FOXP1: variants seen among roughly 807,000 people sequenced by gnomAD.
FOXP1 encodes the protein forkhead box P1.
In FOXP1, 15 loss-of-function variants were observed where a neutral mutation model predicts 98.2. The observed-to-expected ratio is 0.15, with a 90% CI of 0.10 to 0.24. The LOEUF is 0.24. Among genes scored for constraint, FOXP1 ranks in the 10% least tolerant of loss-of-function variants. FOXP1 has a pLI of 1.00. For missense variants in FOXP1, 633 were observed against 848.5 expected (o/e 0.75, Z 3.15); for synonymous variants, 371 against 314.5 (o/e 1.18, Z -1.90).
At chr3:71,241,683 CTTAAT>C (rs2067295457) in intron 5 of FOXP1, among the ~76,000 whole-genome samples, 1 of 152,184 alleles carries the variant, frequency 6.6e-6, no homozygotes, top group South Asian at 2.1e-4. Context: ...GAAGAAAGGG[CTTAAT>C]TTACTGGCAT....
intron 11 of FOXP1, among the ~76,000 whole-genome samples, chr3:71,020,317 C>T (rs1411848840): frequency 6.6e-6 from 1 of 152,128 alleles, no homozygotes; most frequent in Non-Finnish European, 1.5e-5. Context: ...GTGTCATTTT[C>T]AATGACAGTT....
intron 6 of FOXP1, among the ~76,000 whole-genome samples, chr3:71,157,138 A>T (rs2060864323): frequency 6.6e-6 from 1 of 152,232 alleles, no homozygotes; most frequent in Non-Finnish European, 1.5e-5. Context: ...GTCTGGATCT[A>T]ACCTTGGCGG....
chr3:71,128,374 C>T (rs1000263997), intron 6 of FOXP1, among the ~76,000 whole-genome samples: 1 of 151,296 alleles, frequency 6.6e-6, no homozygotes, highest in Non-Finnish European at 1.5e-5. Flanking sequence ...CCCTTGGCCT[C>T]TGGAGGAATC....
intron 19 of FOXP1, among the ~76,000 whole-genome samples, chr3:70,967,687 G>GTTTTTTTTTTT (rs67711426): frequency 1.1e-3 from 67 of 61,298 alleles, no homozygotes; most frequent in East Asian, 2.9e-3. Flanking sequence ...ACTATTATTT[G>GTTTTTTTTTTT]TTTTTTTTTT....
At position 71,084,892 on chromosome 3, in the gene FOXP1, G is replaced by C. The variant is rs528575331; in HGVS notation, c.282+27644C>G. Among the ~76,000 whole-genome samples the C allele has an allele frequency of 2.0e-4, 30 of 152,260 alleles. No individual in the cohort carries two copies. In the South Asian group the frequency reaches 5.6e-3, roughly 28 times the overall value. ...TACTAAAAACACAAAAATTACCTGG[G>C]TGTGGTGTTGGGTACCTGTTAATCC... On this transcript the variant is annotated intron_variant, in intron 7 of 20. Transcript: ENST00000649528.
chr3:71,232,877 C>CAAAAAAAAAACA (rs2066420841), intron 5 of FOXP1, among the ~76,000 whole-genome samples: 1 of 31,422 alleles, frequency 3.2e-5, no homozygotes, highest in Non-Finnish European at 5.9e-5. Context: ...AACTCTGTCT[C>CAAAAAAAAAACA]AAAAAAAAAA....
At chr3:71,427,145 T>C (rs1461148789) in intron 3 of FOXP1, among the ~76,000 whole-genome samples, 3 of 152,072 alleles carry the variant, frequency 2.0e-5, no homozygotes, top group African/African-American at 7.2e-5. Context: ...GGTTTATTTA[T>C]TATTTGACTC....
chr3:71,316,698 G>A lies in FOXP1; in HGVS notation c.-72-16818C>T, dbSNP rs574510450. On this transcript the variant is annotated intron_variant, in intron 4 of 20. Transcript: ENST00000649528. ...TTTTGAGATGGAGTCTTGCTCTGTC[G>A]CCAGGCTGGAGCGCAGTGGTGCGAT... Among the ~76,000 whole-genome samples the A allele has an allele frequency of 1.3e-3, 190 of 147,176 alleles. 1 individual carries two copies. Among genetic ancestry groups the A allele is most frequent in the African/African-American group, 4.6e-3 (184 of 39,802 alleles).
rs893172909 is a variant in FOXP1, at chr3:71,522,271, T to C, written c.-297-28716A>G. 2.0e-5 allele frequency among the ~76,000 whole-genome samples: 3 copies of C among 152,164 alleles called. No individual in the cohort carries two copies. The South Asian group carries it at 6.2e-4, about 31-fold the overall frequency. On this transcript the variant is annotated intron_variant, in intron 2 of 20. Coordinates refer to ENST00000649528, the MANE Select transcript of FOXP1 (RefSeq NM_001349338.3). ...CAATCTAGAGAAACTTATTTTTTCA[T>C]AATATTCCTATTTCTCAGGGTAAAC...
intron 9 of FOXP1, among the ~76,000 whole-genome samples, 164 bp from the exon 10 acceptor site, chr3:71,047,259 T>C (rs924041653): frequency 6.6e-6 from 1 of 152,168 alleles, no homozygotes; most frequent in Non-Finnish European, 1.5e-5. Flanking sequence ...ATACCTCCTC[T>C]GAGGAGGGGT....
At chr3:71,498,491 A>G (rs553956837) in intron 2 of FOXP1, among the ~76,000 whole-genome samples, 9 of 152,210 alleles carry the variant, frequency 5.9e-5, no homozygotes, top group Non-Finnish European at 1.2e-4. Context: ...AGCTGAGAGA[A>G]GAGCTTAAAA....
intron 1 of FOXP1, among the ~76,000 whole-genome samples, chr3:71,583,229 A>G (rs1210110213): frequency 6.6e-6 from 1 of 151,932 alleles, no homozygotes; most frequent in Non-Finnish European, 1.5e-5. Context: ...TCGCCTCCTC[A>G]CAGTCGCCAC....
intron 3 of FOXP1, among the ~76,000 whole-genome samples, chr3:71,492,480 G>A (rs761372713): frequency 6.6e-6 from 1 of 151,494 alleles, no homozygotes; most frequent in East Asian, 1.9e-4. Flanking sequence ...AAATCAAAGA[G>A]AGAGCCTAAT....
chr3:71,202,586 TAAG>T (rs1308258547), intron 5 of FOXP1, among the ~76,000 whole-genome samples: 1 of 152,192 alleles, frequency 6.6e-6, no homozygotes, highest in Non-Finnish European at 1.5e-5. Flanking sequence ...ATTTCACAGA[TAAG>T]AAAACTAAAG....
intron 3 of FOXP1, among the ~76,000 whole-genome samples, chr3:71,474,153 T>C (rs1273081344): frequency 6.6e-6 from 1 of 152,106 alleles, no homozygotes; most frequent in Non-Finnish European, 1.5e-5. Flanking sequence ...CTTAGATGTT[T>C]TATTGTTTCA....
At chr3:71,358,142 CATT>C (rs1223156305) in intron 4 of FOXP1, among the ~76,000 whole-genome samples, 1 of 152,132 alleles carries the variant, frequency 6.6e-6, no homozygotes, top group African/African-American at 2.4e-5. Context: ...GCATCCAAAG[CATT>C]ATTATTTATT....
intron 6 of FOXP1, among the ~76,000 whole-genome samples, chr3:71,190,207 G>A (rs1340009398): frequency 1.3e-5 from 2 of 151,878 alleles, no homozygotes; most frequent in African/African-American, 2.4e-5. Context: ...GTTATTCTTC[G>A]GGATCTAGCT....
At chr3:71,082,084 G>T (rs1352408855) in intron 7 of FOXP1, among the ~76,000 whole-genome samples, 2 of 151,930 alleles carry the variant, frequency 1.3e-5, no homozygotes, top group Non-Finnish European at 2.9e-5. Flanking sequence ...TTTGAGACCA[G>T]CCTGACCAAC....
chr3:71,417,920 C>A (rs2108309861), intron 3 of FOXP1, among the ~76,000 whole-genome samples: 1 of 152,080 alleles, frequency 6.6e-6, no homozygotes, highest in Non-Finnish European at 1.5e-5. Flanking sequence ...GACAAACACC[C>A]CCGAGAAGAC....
Sources: gnomAD v4.1 joint callset for allele counts (sites outside exome capture counted in the v4.1 genomes callset) on GRCh38, gnomAD v4.1.1 for gene constraint, MANE v1.5 for transcripts, NCBI Gene and HGNC (gene_info 2026-07-23, HGNC 2026-07-21) for gene names.